PCDHGA6: variants seen among roughly 807,000 people sequenced by gnomAD.
PCDHGA6 encodes protocadherin gamma subfamily A, 6.
A neutral mutation model predicts 60.6 loss-of-function variants in PCDHGA6; 41 were observed. That is an observed-to-expected ratio of 0.68 (90% confidence interval 0.53 to 0.88). PCDHGA6 has a LOEUF of 0.88. PCDHGA6 is among the 40% of genes least tolerant of loss of function. The pLI, the probability that PCDHGA6 is intolerant of heterozygous loss-of-function variation, is 0.00. For missense variants in PCDHGA6, 1,312 were observed against 1,203.0 expected, an observed-to-expected ratio of 1.09 and a Z score of -1.34; for synonymous variants, 594 against 524.4, an observed-to-expected ratio of 1.13 and a Z score of -1.81.
intron 1 of PCDHGA6, chr5:141,383,125 G>T: frequency 6.2e-7 from 1 of 1,614,062 alleles, no homozygotes. Context: ...GCAGCTTTTC[G>T]CCCTGAACCA....
chr5:141,399,660 C>A lies in PCDHGA6; in HGVS notation c.2424+23153C>A, dbSNP rs988885728. 11 of 1,613,536 alleles carry A rather than the reference C, an allele frequency of 6.8e-6. No individual in the cohort carries two copies. The highest frequency in any genetic ancestry group is 9.3e-6 in the Non-Finnish European group (11 of 1,179,888). ...TGAGCGCGCAAAGTGGGGTGGTGTT[C>A]GCGCAGCGCGCCTTTGACTACGAGC... is the stretch of plus-strand genomic sequence containing the variant. On this transcript the variant is annotated intron_variant, in intron 1 of 3. Coordinates refer to ENST00000517434, the MANE Select transcript of PCDHGA6 (RefSeq NM_018919.3).
At chr5:141,423,427 G>T (rs2096739583) in intron 1 of PCDHGA6, 1 of 1,613,892 alleles carries the variant, frequency 6.2e-7, no homozygotes, top group Non-Finnish European at 8.5e-7. Flanking sequence ...AGGCGGGTTG[G>T]CAGGTATGCC....
Position 141,486,320 on chromosome 5 carries a change from G to A in PCDHGA6, c.2425-8487G>A, listed in dbSNP as rs764851576. The stretch of plus-strand genomic sequence containing the variant: ...GCAGGATCCAGACTCAGGGTCAAAC[G>A]GAGATGTGAGCCTCCGCATTCCTGA... On this transcript the variant is annotated intron_variant, in intron 1 of 3. Coordinates refer to ENST00000517434, the MANE Select transcript of PCDHGA6 (RefSeq NM_018919.3). This position sits in a 1 kb window ranked among gnomAD's most constrained non-coding sequence, Gnocchi z 5.0. The A allele has an allele frequency of 6.2e-7, 1 of 1,614,010 alleles. No individual in the cohort carries two copies. Among genetic ancestry groups the A allele is most frequent in the South Asian group, 1.1e-5 (1 of 91,060 alleles).
rs1779505290 is a variant in PCDHGA6, at chr5:141,383,837, C to A, written c.2424+7330C>A. On this transcript the variant is annotated intron_variant, in intron 1 of 3. Transcript: ENST00000517434. ...GAAGGATTAGATTATGAAGAAACTG[C>A]CTTCTATGAAATGGAGGTTCAGGCT... 1 of 1,613,886 alleles carries A rather than the reference C, an allele frequency of 6.2e-7. No homozygotes were observed. The highest frequency in any genetic ancestry group is 1.1e-5 in the South Asian group (1 of 91,078).
rs751805838 is a variant in PCDHGA6, at chr5:141,409,319, G to T, written c.2424+32812G>T. 3 of 1,613,988 alleles carry T rather than the reference G, an allele frequency of 1.9e-6. No homozygotes were observed. The Admixed American group carries it at 5.0e-5, about 27-fold the overall frequency. ...GGTTGTTGCCCTCTTCAAAACACGG[G>T]ATCTGGATTTCGGAGGAAATGGAGA... is the stretch of plus-strand genomic sequence containing the variant. On this transcript the variant is annotated intron_variant, in intron 1 of 3. Coordinates refer to ENST00000517434, the MANE Select transcript of PCDHGA6 (RefSeq NM_018919.3).
chr5:141,431,256 C>T lies in PCDHGA6; in HGVS notation c.2424+54749C>T. The stretch of plus-strand genomic sequence containing the variant: ...TGGGATCCGGATATCGGGAAGAACT[C>T]TCTGCAGAGCTACGAGCTCAGCCCG... On this transcript the variant is annotated intron_variant, in intron 1 of 3. Transcript: ENST00000517434. This position sits in a 1 kb window ranked among gnomAD's most constrained non-coding sequence, Gnocchi z 4.8. The T allele has an allele frequency of 6.2e-7, 1 of 1,614,194 alleles. No homozygotes were observed. Among genetic ancestry groups the T allele is most frequent in the South Asian group, 1.1e-5 (1 of 91,088 alleles).
intron 1 of PCDHGA6, chr5:141,405,407 CTT>C (rs762612492): frequency 6.3e-7 from 1 of 1,581,924 alleles, no homozygotes; most frequent in African/African-American, 1.4e-5. Flanking sequence ...TCTTTCTTTT[CTT>C]TTTTTGTTTT....
Position 141,489,601 on chromosome 5 carries a change from G to A in PCDHGA6, c.2425-5206G>A. On this transcript the variant is annotated intron_variant, in intron 1 of 3. Transcript: ENST00000517434. This position sits in a 1 kb window ranked among gnomAD's most constrained non-coding sequence, Gnocchi z 4.5. ...CCCCCTGGAGCTAATCCGTGTAGAG[G>A]TAGAGATCCTGGATCTCAATGACAA... 2 of 1,614,042 alleles carry A rather than the reference G, an allele frequency of 1.2e-6. No individual in the cohort carries two copies. Among genetic ancestry groups the A allele is most frequent in the East Asian group, 4.5e-5 (2 of 44,882 alleles).
In PCDHGA6 at chr5:141,375,596, G is replaced by C. The variant is rs574950493; in HGVS notation, c.1513G>C (p.Val505Leu). 86 of 1,614,108 alleles carry C rather than the reference G, an allele frequency of 5.3e-5. No individual in the cohort carries two copies. The highest frequency in any genetic ancestry group is 6.9e-5 in the Non-Finnish European group (82 of 1,180,010). ...CCAGGGGGCGCCCCTGTCCTCCTAC[G>C]TGTCCATCAACTCCGACACTGGGAT... Reference protein sequence around the residue: ...TLQGAPLSSYVSINSDTGILY... With the variant: ...TLQGAPLSSYLSINSDTGILY... The change falls in exon 1 of 4, where the codon GTG becomes CTG. Residue 505 changes from valine to leucine, a missense_variant. Val to Leu is a conservative substitution (Grantham distance 32). Coordinates refer to ENST00000517434, the MANE Select transcript of PCDHGA6 (RefSeq NM_018919.3).
intron 1 of PCDHGA6, chr5:141,426,946 C>A (rs565370434): frequency 2.2e-6 from 1 of 456,786 alleles, no homozygotes; most frequent in South Asian, 1.5e-5. Flanking sequence ...CCAGTCCCAA[C>A]TGGCACTGCT....
At chr5:141,495,236 A>G (rs2099759742) in intron 2 of PCDHGA6, among the ~76,000 whole-genome samples, 1 of 152,168 alleles carries the variant, frequency 6.6e-6, no homozygotes, top group South Asian at 2.1e-4. Flanking sequence ...GGGCTCCATT[A>G]TGACCTGGGG....
intron 1 of PCDHGA6, chr5:141,395,150 C>G: frequency 6.2e-7 from 1 of 1,614,162 alleles, no homozygotes; most frequent in Non-Finnish European, 8.5e-7. Flanking sequence ...CAGACATGCT[C>G]ATCAGTCAGG....
At chr5:141,425,987 G>A (rs1304785231) in intron 1 of PCDHGA6, among the ~76,000 whole-genome samples, 1 of 152,188 alleles carries the variant, frequency 6.6e-6, no homozygotes, top group Non-Finnish European at 1.5e-5. Flanking sequence ...GAATCCCATT[G>A]AATTAGCAAA....
At chr5:141,399,796 C>T (rs62621781) in intron 1 of PCDHGA6, 21,149 of 1,613,212 alleles carry the variant, frequency 0.013, 194 homozygotes, top group Non-Finnish European at 0.015. Context: ...CAACGCACCG[C>T]GGGTGCTGTA....
Position 141,422,132 on chromosome 5 carries a change from T to C in PCDHGA6, c.2424+45625T>C, listed in dbSNP as rs768931697. ...CAATTGGATTCACAAACTGGAGAAG[T>C]TCAAGTACGGGGGTCTCTGGATTTT... On this transcript the variant is annotated intron_variant, in intron 1 of 3. Coordinates refer to ENST00000517434, the MANE Select transcript of PCDHGA6 (RefSeq NM_018919.3). The C allele has an allele frequency of 1.2e-5, 19 of 1,598,396 alleles. No individual in the cohort carries two copies. In the South Asian group the frequency reaches 2.0e-4, roughly 17 times the overall value.
intron 1 of PCDHGA6, chr5:141,427,328 T>G (rs951396612): frequency 1.6e-4 from 74 of 457,122 alleles, no homozygotes; most frequent in Admixed American, 1.2e-3. Context: ...TGGTTTTTAC[T>G]TCAGTGTCCA....
At chr5:141,402,971 T>C in intron 1 of PCDHGA6, 2 of 1,608,370 alleles carry the variant, frequency 1.2e-6, no homozygotes. Flanking sequence ...TCCAACCAAA[T>C]GCCAGCTCCG....
rs1363008017 is a variant in PCDHGA6, at chr5:141,413,215, T to A, written c.2424+36708T>A. ...GAATCGCTCAAAGGAATCAAAGGATTGCAGCGGGCTGGTCCTGCTCTGCCT... is the reference window on the plus strand; with the variant it reads ...GAATCGCTCAAAGGAATCAAAGGATAGCAGCGGGCTGGTCCTGCTCTGCCT... On this transcript the variant is annotated intron_variant, in intron 1 of 3. Coordinates refer to ENST00000517434, the MANE Select transcript of PCDHGA6 (RefSeq NM_018919.3). 6 of 1,613,232 alleles carry A rather than the reference T, an allele frequency of 3.7e-6. No individual in the cohort carries two copies. The African/African-American group carries it at 8.0e-5, about 22-fold the overall frequency.
rs1347088415 is a variant in PCDHGA6 at position 141,374,180 on chromosome 5, T to C, written c.97T>C (p.Tyr33His). Residue 33 changes from tyrosine to histidine, a missense_variant, in exon 1 of 4, where the codon TAC (tyrosine) becomes CAC (histidine). Tyr to His is a moderately conservative substitution (Grantham distance 83). Coordinates refer to ENST00000517434, the MANE Select transcript of PCDHGA6 (RefSeq NM_018919.3). Reference protein sequence around the residue: ...LWGAAAAQIRYSIPEELEKGS... With the variant: ...LWGAAAAQIRHSIPEELEKGS... ...GGGGGCCGCGGCAGCGCAGATCCGC[T>C]ACTCTATTCCCGAGGAGCTGGAGAA... 1 of 1,613,682 alleles carries C rather than the reference T, an allele frequency of 6.2e-7. No homozygotes were observed. The highest frequency in any genetic ancestry group is 8.5e-7 in the Non-Finnish European group (1 of 1,179,836).
Sources: allele counts gnomAD v4.1 joint callset (sites outside exome capture counted in the v4.1 genomes callset), GRCh38; gene constraint gnomAD v4.1.1; non-coding constraint Gnocchi (gnomAD v3.1); transcripts MANE v1.5; gene names NCBI Gene and HGNC (gene_info 2026-07-23, HGNC 2026-07-21).